The following CMKLR1 variants were observed in gnomAD, a reference collection of about 807,000 sequenced individuals.
The protein encoded by CMKLR1 is chemerin chemokine-like receptor 1.
CMKLR1 carries 6 observed loss-of-function variants against 8.2 expected under a neutral mutation model. That is an observed-to-expected ratio of 0.73 (90% CI 0.40 to 1.44). The LOEUF (loss-of-function observed/expected upper bound fraction) is 1.44, where lower values mean the gene tolerates loss of function less well. Among genes scored for constraint, CMKLR1 ranks in the 40% most tolerant of loss-of-function variants. CMKLR1 has a pLI of 0.02. For missense variants in CMKLR1, 429 were observed against 478.0 expected (o/e 0.90, Z 0.96); for synonymous variants, 178 against 181.2 (o/e 0.98, Z 0.14).
Position 108,307,280 on chromosome 12 carries a change from T to C in CMKLR1, c.-73-13616A>G, listed in dbSNP as rs552433936. Among the ~76,000 whole-genome samples, 30 of 152,330 alleles carry C rather than the reference T, an allele frequency of 2.0e-4. 2 individuals carry two copies. In the South Asian group the frequency reaches 2.9e-3, roughly 15 times the overall value. Reference sequence around the variant, plus strand: ...CTTCTGCCCATGCTGGGAGCCAGCCTGTGGCACGCACTTGGTGTGCTGTTC... The same window carrying C: ...CTTCTGCCCATGCTGGGAGCCAGCCCGTGGCACGCACTTGGTGTGCTGTTC... On this transcript the variant is annotated intron_variant, in intron 2 of 3. Transcript: ENST00000550402.
intron 1 of CMKLR1, among the ~76,000 whole-genome samples, chr12:108,332,206 G>T (rs1593181131): frequency 6.6e-6 from 1 of 152,286 alleles, no homozygotes; most frequent in Middle Eastern, 3.4e-3. Context: ...GCCTAAAGAG[G>T]TTATATGTAT....
chr12:108,306,500 A>G (rs996416451), intron 2 of CMKLR1, among the ~76,000 whole-genome samples: 1 of 151,308 alleles, frequency 6.6e-6, no homozygotes, highest in Admixed American at 6.6e-5. Flanking sequence ...AGTTCTTCCC[A>G]TTTTGTCCTC....
intron 2 of CMKLR1, among the ~76,000 whole-genome samples, 158 bp downstream of exon 2, chr12:108,329,837 T>C (rs1461615348): frequency 1.3e-5 from 2 of 152,224 alleles, no homozygotes; most frequent in Non-Finnish European, 2.9e-5. Context: ...AAATCCTTTT[T>C]GAGTTTCAGT....
intron 1 of CMKLR1, among the ~76,000 whole-genome samples, chr12:108,334,341 C>T (rs917086767): frequency 6.6e-6 from 1 of 152,260 alleles, no homozygotes; most frequent in Non-Finnish European, 1.5e-5. Context: ...CTCCCACATG[C>T]ATTTATTCAC....
At chr12:108,311,097 C>T (rs1253586603) in intron 2 of CMKLR1, among the ~76,000 whole-genome samples, 1 of 152,162 alleles carries the variant, frequency 6.6e-6, no homozygotes, top group Non-Finnish European at 1.5e-5. Context: ...TCAATTCCAC[C>T]ATCAGGGTCC....
intron 2 of CMKLR1, among the ~76,000 whole-genome samples, chr12:108,296,662 C>T (rs1413498137): frequency 6.6e-6 from 1 of 152,108 alleles, no homozygotes; most frequent in Non-Finnish European, 1.5e-5. Flanking sequence ...CCGGTCTCTA[C>T]TAAAAATACA....
At chr12:108,330,490 GT>G (rs371821419) in intron 1 of CMKLR1, among the ~76,000 whole-genome samples, 596 of 152,348 alleles carry the variant, frequency 3.9e-3, no homozygotes, top group Non-Finnish European at 6.6e-3. Context: ...TGACTGATGT[GT>G]GATGTCTGCC....
chr12:108,297,061 G>A lies in CMKLR1; in HGVS notation c.-73-3397C>T, dbSNP rs534880026. Among the ~76,000 whole-genome samples, 7 of 152,068 alleles carry A rather than the reference G, an allele frequency of 4.6e-5. No homozygotes were observed. In the East Asian group the frequency reaches 1.2e-3, roughly 25 times the overall value. On this transcript the variant is annotated intron_variant, in intron 2 of 3. Transcript: ENST00000550402. ...AAAAATATGCGTCACTATATATACC[G>A]CTGACCCTTGAACAATACAGGTTTT...
At chr12:108,307,108 AT>A (rs1405004896) in intron 2 of CMKLR1, among the ~76,000 whole-genome samples, 4 of 152,080 alleles carry the variant, frequency 2.6e-5, no homozygotes, top group African/African-American at 9.7e-5. Flanking sequence ...CCAGCACCAT[AT>A]TTAGTTAATC....
At chr12:108,306,182 G>T (rs1566022010) in intron 2 of CMKLR1, among the ~76,000 whole-genome samples, 1 of 152,206 alleles carries the variant, frequency 6.6e-6, no homozygotes, top group Non-Finnish European at 1.5e-5. Context: ...GGAGCGTGCG[G>T]TTGGGTACAA....
chr12:108,321,691 C>T (rs1257676449), intron 2 of CMKLR1, among the ~76,000 whole-genome samples: 1 of 152,160 alleles, frequency 6.6e-6, no homozygotes, highest in Non-Finnish European at 1.5e-5. Flanking sequence ...TTAGAATGTA[C>T]TTTGACTCAT....
intron 2 of CMKLR1, among the ~76,000 whole-genome samples, chr12:108,310,985 C>G (rs886607865): frequency 3.5e-5 from 5 of 142,412 alleles, no homozygotes; most frequent in Non-Finnish European, 7.7e-5. Context: ...GAGCAGGGTG[C>G]AGATGAAGGA....
chr12:108,312,851 G>C (rs1214698188), intron 2 of CMKLR1, among the ~76,000 whole-genome samples: 2 of 152,094 alleles, frequency 1.3e-5, no homozygotes, highest in Non-Finnish European at 2.9e-5. Flanking sequence ...GGGGTACTTA[G>C]AGACTCCAAA....
chr12:108,294,535 G>C (rs1262373795), intron 2 of CMKLR1, among the ~76,000 whole-genome samples: 1 of 152,200 alleles, frequency 6.6e-6, no homozygotes, highest in Non-Finnish European at 1.5e-5. Flanking sequence ...TCTCTTCCCT[G>C]AATCTCAGTT....
chr12:108,312,144 CT>C (rs1319112568), intron 2 of CMKLR1, among the ~76,000 whole-genome samples: 5 of 152,206 alleles, frequency 3.3e-5, no homozygotes, highest in African/African-American at 1.2e-4. Context: ...CATCTTCCCC[CT>C]GGCCTGAGGA....
At chr12:108,299,641 C>T (rs1341920757) in intron 2 of CMKLR1, among the ~76,000 whole-genome samples, 1 of 152,038 alleles carries the variant, frequency 6.6e-6, no homozygotes, top group Non-Finnish European at 1.5e-5. Flanking sequence ...TTGCAGTCAC[C>T]GTATAAGAGG....
chr12:108,316,512 A>G (rs1477942730), intron 2 of CMKLR1, among the ~76,000 whole-genome samples: 5 of 152,158 alleles, frequency 3.3e-5, no homozygotes, highest in Admixed American at 6.5e-5. Context: ...AGAAAGACGA[A>G]GGCAGGGTGA....
In CMKLR1 at chr12:108,292,066, G is replaced by A. The variant is rs958669940; in HGVS notation, c.897C>T (p.Pro299=). 6.2e-7 allele frequency: 1 copy of A among 1,614,234 alleles called. No individual in the cohort carries two copies. ...TGGCAATGGCAAGGGCAGTGGCCAGGGGCAAACCCAGGCTGAAGACAGAGC... is the reference window on the plus strand; with the variant it reads ...TGGCAATGGCAAGGGCAGTGGCCAGAGGCAAACCCAGGCTGAAGACAGAGC... ...MPGSVFSLGL[P]LATALAIANS... is the part of the protein sequence containing the mutation. The change falls in exon 4 of 4, where the codon CCC becomes CCT. Residue 299 remains proline (P), a synonymous_variant. Transcript: ENST00000550402.
chr12:108,311,180 A>G (rs1172285769), intron 2 of CMKLR1, among the ~76,000 whole-genome samples: 1 of 152,144 alleles, frequency 6.6e-6, no homozygotes, highest in Admixed American at 6.5e-5. Context: ...CCCACACACA[A>G]AGGAGGTTTT....
Sources: allele counts gnomAD v4.1 joint callset (sites outside exome capture counted in the v4.1 genomes callset), GRCh38; gene constraint gnomAD v4.1.1; transcripts MANE v1.5; gene names NCBI Gene and HGNC (gene_info 2026-07-23, HGNC 2026-07-21).